Variants in IL1RAPL2 observed in about 807,000 individuals in gnomAD.
IL1RAPL2 encodes interleukin 1 receptor accessory protein like 2.
A neutral mutation model predicts 44.1 loss-of-function variants in IL1RAPL2; 3 were observed. The ratio of observed to expected loss-of-function variants is 0.07; its 90% confidence interval spans 0.03 to 0.18. IL1RAPL2 has a LOEUF of 0.18. Ranked by LOEUF, IL1RAPL2 falls within the 10% of genes least tolerant of loss-of-function variation. IL1RAPL2 has a pLI of 1.00. For missense variants in IL1RAPL2, 391 were observed against 496.4 expected (o/e 0.79, Z 2.02); for synonymous variants, 181 against 178.8 (o/e 1.01, Z -0.10).
At chrX:104,645,226 C>A (rs192695658) in intron 1 of IL1RAPL2, among the ~76,000 whole-genome samples, 1 of 111,737 alleles carries the variant, frequency 8.9e-6, no homozygotes, top group Admixed American at 9.6e-5. Flanking sequence ...GAAGTACCAT[C>A]TCTGAGCTTA....
chrX:104,847,329 T>A (rs1343756656), intron 2 of IL1RAPL2, among the ~76,000 whole-genome samples: 5 of 112,128 alleles, frequency 4.5e-5, no homozygotes, highest in Non-Finnish European at 5.6e-5. Flanking sequence ...GTTTTAGGTC[T>A]AACATTTAAG....
intron 5 of IL1RAPL2, among the ~76,000 whole-genome samples, chrX:105,426,269 C>T (rs2035809749): frequency 9.0e-6 from 1 of 110,623 alleles, no homozygotes; most frequent in Admixed American, 9.7e-5. Flanking sequence ...AGTACTATGT[C>T]ATCTGACCCC....
chrX:105,220,658 A>G (rs782639806), intron 3 of IL1RAPL2: 14 of 292,538 alleles, frequency 4.8e-5, no homozygotes, highest in Non-Finnish European at 7.2e-5. Flanking sequence ...CCGAAGAGAG[A>G]GGAAGATCTC....
chrX:105,192,683 C>G (rs782138927), intron 2 of IL1RAPL2, among the ~76,000 whole-genome samples: 1 of 111,208 alleles, frequency 9.0e-6, no homozygotes, highest in Non-Finnish European at 1.9e-5. Flanking sequence ...TTCATAGATC[C>G]GTGTTATCAT....
At chrX:105,482,572 A>C (rs7061708) in intron 5 of IL1RAPL2, among the ~76,000 whole-genome samples, 9,512 of 111,649 alleles carry the variant, frequency 0.085, 1,002 homozygotes, top group African/African-American at 0.29. Context: ...CTAATGTGCC[A>C]TAAAGCTCTT....
intron 5 of IL1RAPL2, among the ~76,000 whole-genome samples, chrX:105,458,680 T>G (rs769822559): frequency 2.7e-5 from 3 of 111,750 alleles, no homozygotes; most frequent in South Asian, 7.5e-4. Context: ...CGTTTTTCAG[T>G]CAGCCTCTTA....
intron 2 of IL1RAPL2, among the ~76,000 whole-genome samples, chrX:105,012,603 TC>T: frequency 5.6e-5 from 1 of 17,792 alleles, no homozygotes; most frequent in Non-Finnish European, 9.8e-5. Flanking sequence ...TCTCTTTCTC[TC>T]TCTCTCTCTC....
intron 2 of IL1RAPL2, among the ~76,000 whole-genome samples, chrX:105,083,771 A>AT (rs2032444506): frequency 8.9e-6 from 1 of 112,160 alleles, no homozygotes; most frequent in Non-Finnish European, 1.9e-5. Flanking sequence ...AAATGCTGAG[A>AT]TTTTGTCCCC....
chrX:104,944,637 T>G (rs1925295561), intron 2 of IL1RAPL2, among the ~76,000 whole-genome samples: 1 of 112,037 alleles, frequency 8.9e-6, no homozygotes, highest in Non-Finnish European at 1.9e-5. Flanking sequence ...ACTTATACTC[T>G]AAGTTATATG....
intron 6 of IL1RAPL2, among the ~76,000 whole-genome samples, chrX:105,640,759 GATATAGATAT>G: frequency 1.4e-5 from 1 of 73,644 alleles, no homozygotes; most frequent in Non-Finnish European, 2.6e-5. Flanking sequence ...TATAGATATA[GATATAGATAT>G]AGATATAGAT....
intron 3 of IL1RAPL2, among the ~76,000 whole-genome samples, chrX:105,229,665 A>C (rs2034050095): frequency 8.9e-6 from 1 of 111,898 alleles, no homozygotes; most frequent in South Asian, 3.8e-4. Context: ...CGTTGTTTAT[A>C]CTTTGGAGAG....
chrX:105,730,522 G>A (rs189506837), intron 7 of IL1RAPL2, among the ~76,000 whole-genome samples: 1 of 111,482 alleles, frequency 9.0e-6, no homozygotes, highest in East Asian at 2.8e-4. Context: ...GGATCTAATA[G>A]ACAATTGCAG....
intron 2 of IL1RAPL2, among the ~76,000 whole-genome samples, chrX:104,821,912 T>C (rs1354487273): frequency 4.5e-5 from 5 of 112,222 alleles, no homozygotes; most frequent in Admixed American, 9.4e-5. Flanking sequence ...ATCTGTTGTT[T>C]CCTGACTTTT....
At chrX:105,610,821 A>G (rs995839693) in intron 6 of IL1RAPL2, among the ~76,000 whole-genome samples, 14 of 112,015 alleles carry the variant, frequency 1.2e-4, no homozygotes, top group Admixed American at 1.9e-4. Context: ...TGTTTCTTGT[A>G]TTTACTTATT....
chrX:104,755,922 G>T (rs190486773), intron 2 of IL1RAPL2, among the ~76,000 whole-genome samples: 2 of 111,538 alleles, frequency 1.8e-5, no homozygotes, highest in Non-Finnish European at 3.8e-5. Flanking sequence ...AATTTCACTT[G>T]TATGTTTTAA....
intron 5 of IL1RAPL2, among the ~76,000 whole-genome samples, chrX:105,394,859 A>G (rs1194818975): frequency 1.8e-5 from 2 of 110,638 alleles, no homozygotes; most frequent in African/African-American, 6.6e-5. Context: ...CCTTTTCTCC[A>G]TGTATCCAAA....
At chrX:104,770,424 A>G (rs907345449) in intron 2 of IL1RAPL2, among the ~76,000 whole-genome samples, 1 of 111,571 alleles carries the variant, frequency 9.0e-6, no homozygotes, top group Non-Finnish European at 1.9e-5. Flanking sequence ...AATGTTCATC[A>G]CCACCACCAC....
intron 3 of IL1RAPL2, among the ~76,000 whole-genome samples, chrX:105,210,447 T>C (rs2033799080): frequency 9.0e-6 from 1 of 110,994 alleles, no homozygotes; most frequent in South Asian, 3.9e-4. Flanking sequence ...GATTTTGCCC[T>C]CTAGTGGACA....
At chrX:104,578,825 ATAT>A (rs777351446) in intron 1 of IL1RAPL2, among the ~76,000 whole-genome samples, 2 of 111,710 alleles carry the variant, frequency 1.8e-5, no homozygotes, top group Non-Finnish European at 3.8e-5. Flanking sequence ...GACAATTTTC[ATAT>A]TATAACTGCA....
Sources: allele counts gnomAD v4.1 joint callset (sites outside exome capture counted in the v4.1 genomes callset), GRCh38; gene constraint gnomAD v4.1.1; transcripts MANE v1.5; gene names NCBI Gene and HGNC (gene_info 2026-07-23, HGNC 2026-07-21).